The following KIF21A variants were observed in gnomAD, a reference collection of about 807,000 sequenced individuals.
KIF21A encodes the protein kinesin-like protein KIF21A.
In KIF21A, 114 loss-of-function variants were observed where a neutral mutation model predicts 202.9. The observed-to-expected ratio is 0.56, with a 90% CI of 0.48 to 0.66. KIF21A has a LOEUF of 0.66. Among genes scored for constraint, KIF21A ranks in the 30% least tolerant of loss-of-function variants. The pLI, the probability that KIF21A is intolerant of heterozygous loss-of-function variation, is 0.00. For missense variants in KIF21A, 1,677 were observed against 1,994.9 expected (o/e 0.84, Z 3.04); for synonymous variants, 667 against 670.8 (o/e 0.99, Z 0.09).
At chr12:39,321,019 T>C (rs1945187466) in intron 27 of KIF21A, among the ~76,000 whole-genome samples, 1 of 148,302 alleles carries the variant, frequency 6.7e-6, no homozygotes, top group African/African-American at 2.5e-5. Flanking sequence ...TGGGTTTGCA[T>C]GATTCCTATT....
intron 31 of KIF21A, chr12:39,312,934 T>C (rs534705891): frequency 1.3e-5 from 2 of 152,038 alleles, no homozygotes; most frequent in East Asian, 3.9e-4. Context: ...TTATGTTGAA[T>C]TATGTCCATT....
chr12:39,301,762 T>C (rs1175242112), intron 36 of KIF21A, 83 bp from the exon 37 acceptor site: 2 of 1,195,498 alleles, frequency 1.7e-6, no homozygotes, highest in Non-Finnish European at 2.5e-6. Flanking sequence ...GAAAAACATT[T>C]TATTGCCAAA....
At chr12:39,365,071 C>G (rs1949505194) in intron 6 of KIF21A, among the ~76,000 whole-genome samples, 1 of 152,148 alleles carries the variant, frequency 6.6e-6, no homozygotes, top group African/African-American at 2.4e-5. Flanking sequence ...TAATCTGGCT[C>G]AAGCAGTTCT....
At chr12:39,424,047 C>G (rs189588331) in intron 1 of KIF21A, among the ~76,000 whole-genome samples, 14 of 147,880 alleles carry the variant, frequency 9.5e-5, no homozygotes, top group African/African-American at 3.5e-4. Flanking sequence ...TCTTCCCACT[C>G]TCATATCCAA....
chr12:39,331,463 GTTGT>G (rs1278182720), intron 22 of KIF21A, among the ~76,000 whole-genome samples: 12 of 152,060 alleles, frequency 7.9e-5, no homozygotes, highest in Admixed American at 5.2e-4. Flanking sequence ...TCTTCTTTAA[GTTGT>G]TTATCTGCTC....
At chr12:39,387,295 C>T (rs1217354048) in intron 1 of KIF21A, among the ~76,000 whole-genome samples, 1 of 151,790 alleles carries the variant, frequency 6.6e-6, no homozygotes, top group Non-Finnish European at 1.5e-5. Context: ...GCTTTGAAAG[C>T]TATCCAACCC....
In KIF21A at chr12:39,442,957, G is replaced by C; in HGVS notation, c.14C>G (p.Pro5Arg). 6.6e-7 allele frequency: 1 copy of C among 1,522,826 alleles called. No individual in the cohort carries two copies. Among genetic ancestry groups the C allele is most frequent in the Non-Finnish European group, 8.8e-7 (1 of 1,142,324 alleles). The allele number at this position is 1,522,826 out of a possible 1,614,324, so 94.3% of individuals were successfully genotyped here. Reference protein sequence around the residue: MLGAPDESSVRVAVR... With the variant: MLGARDESSVRVAVR... ...AGCCACCCGCACGGAGCTCTCGTCC[G>C]GGGCGCCCAACATGCTGGCGGCGGG... is the stretch of plus-strand genomic sequence containing the variant. The change falls in exon 1 of 38, where the codon CCG (proline) becomes CGG (arginine). Residue 5 changes from proline to arginine, a missense_variant. By Grantham distance (103) the Pro-to-Arg change is moderately radical. This residue lies in a region of KIF21A where 966 missense variants were observed against 1,180.9 expected (regional missense o/e 0.82). Transcript: ENST00000361418. This position sits in a 1 kb window ranked among gnomAD's most constrained non-coding sequence, Gnocchi z 5.0.
At chr12:39,368,498 G>C (rs991649597) in intron 3 of KIF21A, among the ~76,000 whole-genome samples, 4 of 152,168 alleles carry the variant, frequency 2.6e-5, no homozygotes, top group African/African-American at 7.2e-5. Context: ...CAATATTAGT[G>C]TTCCTGTATC....
chr12:39,348,001 T>C (rs1230808978), intron 11 of KIF21A, among the ~76,000 whole-genome samples: 1 of 152,084 alleles, frequency 6.6e-6, no homozygotes, highest in Non-Finnish European at 1.5e-5. Flanking sequence ...TGTGATTCCC[T>C]CATGAAGAAC....
At chr12:39,382,701 G>A (rs1566073898) in intron 1 of KIF21A, among the ~76,000 whole-genome samples, 1 of 152,006 alleles carries the variant, frequency 6.6e-6, no homozygotes, top group Non-Finnish European at 1.5e-5. Flanking sequence ...TAAGACTCAG[G>A]ATACAAATAG....
At chr12:39,432,344 G>T (rs1938040464) in intron 1 of KIF21A, among the ~76,000 whole-genome samples, 1 of 152,146 alleles carries the variant, frequency 6.6e-6, no homozygotes, top group Non-Finnish European at 1.5e-5. Flanking sequence ...TGGGTGAGCA[G>T]CACTATTCAC....
In KIF21A at chr12:39,330,100, T is replaced by C. The variant is rs115125794; in HGVS notation, c.3340+142A>G. On this transcript the variant is annotated intron_variant, in intron 24 of 37. Transcript: ENST00000361418. ...AAAAGACTTAGTGTGTTTGTGGGCA[T>C]GGATACATTTCAAAAAAGATCATGC... The C allele has an allele frequency of 3.5e-3, 2,528 of 720,774 alleles. 53 individuals carry two copies. In the African/African-American group the frequency reaches 0.036, roughly 10 times the overall value. The allele number at this position is 720,774 out of a possible 1,614,324, so 44.6% of individuals were successfully genotyped here.
intron 7 of KIF21A, among the ~76,000 whole-genome samples, chr12:39,360,135 TAAAC>T (rs1212217243): frequency 2.0e-5 from 3 of 152,022 alleles, no homozygotes; most frequent in African/African-American, 7.3e-5. Context: ...CATCATATAT[TAAAC>T]AAAACCCAAA....
At chr12:39,315,097 T>A in intron 31 of KIF21A, 132 bp downstream of exon 31, 1 of 831,828 alleles carries the variant, frequency 1.2e-6, no homozygotes, top group Admixed American at 1.8e-5. Flanking sequence ...TAAGGTTAAA[T>A]ATGGCAAATT....
chr12:39,393,404 T>A (rs1486110464), intron 1 of KIF21A, among the ~76,000 whole-genome samples: 1 of 152,160 alleles, frequency 6.6e-6, no homozygotes, highest in South Asian at 2.1e-4. Flanking sequence ...AAGGCACAGA[T>A]AAATTATTTC....
chr12:39,362,072 C>A (rs2138993370), intron 7 of KIF21A, among the ~76,000 whole-genome samples: 1 of 152,216 alleles, frequency 6.6e-6, no homozygotes, highest in Middle Eastern at 3.4e-3. Context: ...CCTTCCTCTC[C>A]TTCCTCCTGC....
Position 39,333,044 on chromosome 12 carries a change from T to A in KIF21A, c.2551A>T (p.Lys851Ter). Residue 851 changes from lysine (K) to a stop codon, truncating the protein, a stop_gained, in exon 19 of 38, where the codon AAG (lysine) becomes TAG (stop). Coordinates refer to ENST00000361418, the MANE Select transcript of KIF21A (RefSeq NM_001173464.2). LOFTEE classifies it high-confidence loss of function. ...GCAGGTGCATCAGATGAACTCAGCT[T>A]CCGAGTAACTTTCCCAGCCACTTTA... is the stretch of plus-strand genomic sequence containing the variant. ...SDKVAGKVTR[K>*]LSSSDAPAQD... 6.2e-7 allele frequency: 1 copy of A among 1,614,092 alleles called. No individual in the cohort carries two copies. The highest frequency in any genetic ancestry group is 8.5e-7 in the Non-Finnish European group (1 of 1,180,022).
At position 39,302,816 on chromosome 12, in the gene KIF21A, G is replaced by C. The variant is rs942746746; in HGVS notation, c.4731+149C>G. 7 of 714,568 alleles carry C rather than the reference G, an allele frequency of 9.8e-6. No homozygotes were observed. The African/African-American group carries it at 1.2e-4, about 13-fold the overall frequency. 44.3% of individuals were successfully genotyped at this position (714,568 alleles called of 1,614,324 possible). Reference sequence around the variant, plus strand: ...TTCCCTTCTCCCAGTGAAGAACTCTGGGGAGGATGAAACATTCTTTAAGAA... The same window carrying C: ...TTCCCTTCTCCCAGTGAAGAACTCTCGGGAGGATGAAACATTCTTTAAGAA... On this transcript the variant is annotated intron_variant, in intron 36 of 37. Transcript: ENST00000361418.
intron 1 of KIF21A, among the ~76,000 whole-genome samples, chr12:39,418,920 T>C (rs1025129554): frequency 6.6e-6 from 1 of 152,242 alleles, no homozygotes; most frequent in Non-Finnish European, 1.5e-5. Flanking sequence ...ACATTTGTTA[T>C]TTTATTAATA....
Sources: gnomAD v4.1 joint callset for allele counts (sites outside exome capture counted in the v4.1 genomes callset) on GRCh38, gnomAD v4.1.1 for gene constraint, gnomAD v4.1.1 regional missense constraint, Gnocchi (gnomAD v3.1) non-coding constraint, MANE v1.5 for transcripts, NCBI Gene and HGNC (gene_info 2026-07-23, HGNC 2026-07-21) for gene names.